PDXDC1: variants seen among roughly 807,000 people sequenced by gnomAD.
PDXDC1 encodes pyridoxal dependent decarboxylase domain containing 1.
PDXDC1 carries 42 observed loss-of-function variants against 100.1 expected under a neutral mutation model. That is an observed-to-expected ratio of 0.42 (90% confidence interval 0.33 to 0.54). PDXDC1 has a LOEUF of 0.54. PDXDC1 is among the 20% of genes least tolerant of loss of function. The pLI is 0.10. For missense variants in PDXDC1, 636 were observed against 979.2 expected, an observed-to-expected ratio of 0.65 and a Z score of 4.68; for synonymous variants, 260 against 371.7, an observed-to-expected ratio of 0.70 and a Z score of 3.46.
intron 16 of PDXDC1, chr16:15,044,442 G>T (rs757598305): frequency 2.4e-5 from 33 of 1,380,780 alleles, no homozygotes; most frequent in Non-Finnish European, 3.2e-5. Flanking sequence ...GAGGCCAGAA[G>T]AAGACACCGG....
chr16:15,063,723 G>GA (rs1214508290), intron 16 of PDXDC1, among the ~76,000 whole-genome samples: 3 of 118,834 alleles, frequency 2.5e-5, no homozygotes, highest in South Asian at 2.8e-4. Context: ...AAAAAAAAAA[G>GA]AAAAAAACAA....
intron 16 of PDXDC1, among the ~76,000 whole-genome samples, chr16:15,089,645 A>G (rs1357525747): frequency 6.6e-6 from 1 of 151,756 alleles, no homozygotes; most frequent in East Asian, 2.0e-4. Context: ...CTAAAAATAC[A>G]AAAAATTAGC....
chr16:14,999,199 T>C, intron 3 of PDXDC1, among the ~76,000 whole-genome samples: 1 of 152,268 alleles, frequency 6.6e-6, no homozygotes, highest in South Asian at 2.1e-4. Flanking sequence ...CCCGAGTGGC[T>C]GGGATTATAG....
chr16:14,978,980 T>A (rs990360464), intron 1 of PDXDC1, among the ~76,000 whole-genome samples: 3 of 152,280 alleles, frequency 2.0e-5, no homozygotes, highest in African/African-American at 7.2e-5. Flanking sequence ...TACACCCAGT[T>A]GTAACAATAA....
chr16:15,047,773 AG>A (rs954546661), intron 16 of PDXDC1: 7 of 1,206,616 alleles, frequency 5.8e-6, no homozygotes, highest in Admixed American at 1.7e-5. Context: ...ACAAGACACC[AG>A]GAAACTCAAC....
downstream of PDXDC1, among the ~76,000 whole-genome samples, chr16:15,143,480 A>AC (rs1382801916): frequency 6.6e-6 from 1 of 152,144 alleles, no homozygotes; most frequent in Non-Finnish European, 1.5e-5. Flanking sequence ...GGGCGTGTGA[A>AC]CCCCAGGTCG....
downstream of PDXDC1, among the ~76,000 whole-genome samples, chr16:15,143,520 C>G (rs1339833810): frequency 6.6e-6 from 1 of 152,180 alleles, no homozygotes; most frequent in Non-Finnish European, 1.5e-5. Context: ...CTCGGCCCCT[C>G]AGGGGTGTTC....
chr16:14,987,894 G>A (rs1346338324), intron 1 of PDXDC1, among the ~76,000 whole-genome samples: 7 of 151,716 alleles, frequency 4.6e-5, no homozygotes, highest in Non-Finnish European at 8.8e-5. Flanking sequence ...TTACAGGTGT[G>A]AGCCACTGCG....
At chr16:15,125,364 G>GTC (rs1378111012) in intron 16 of PDXDC1, 21 of 722,826 alleles carry the variant, frequency 2.9e-5, no homozygotes, top group Non-Finnish European at 4.8e-5. Flanking sequence ...CAGGGGATGT[G>GTC]TCACACACAC....
Position 15,137,690 on chromosome 16 carries a change from T to C in PDXDC1, c.1400-1189T>C, listed in dbSNP as rs1339061495. The C allele has an allele frequency of 7.0e-6, 8 of 1,137,568 alleles. 1 individual carries two copies. Among genetic ancestry groups the C allele is most frequent in the Middle Eastern group, 2.8e-4 (1 of 3,596 alleles). 70.5% of individuals were successfully genotyped at this position (1,137,568 alleles called of 1,614,324 possible). On this transcript the variant is annotated intron_variant, in intron 16 of 16. Transcript: ENST00000535621. ...AGGCCTTCCTGAGCCCTGCCCAGTG[T>C]CTGCAGGGCCCAGGTCCCACCTGGC...
downstream of PDXDC1, chr16:15,038,361 G>C (rs2043638988): frequency 1.5e-6 from 1 of 652,296 alleles, no homozygotes; most frequent in Non-Finnish European, 2.6e-6. Flanking sequence ...GAAAAAAGTT[G>C]ATTGCTTACT....
chr16:15,076,848 C>A (rs575905146), intron 16 of PDXDC1, among the ~76,000 whole-genome samples: 29 of 152,254 alleles, frequency 1.9e-4, no homozygotes, highest in African/African-American at 6.7e-4. Context: ...ATATAATAAA[C>A]CAAGCCCCTT....
Position 14,996,942 on chromosome 16 carries a change from G to C in PDXDC1, c.22-811G>C, listed in dbSNP as rs573762003. ...GCTGACTCACTTTGTTATCATAAGTGATCTTACCAAAGACCAAGTTGTCCA... is the reference window on the plus strand; with the variant it reads ...GCTGACTCACTTTGTTATCATAAGTCATCTTACCAAAGACCAAGTTGTCCA... On this transcript the variant is annotated intron_variant, in intron 1 of 22. Coordinates refer to ENST00000396410, the MANE Select transcript of PDXDC1 (RefSeq NM_015027.4). Among the ~76,000 whole-genome samples, 27 of 152,404 alleles carry C rather than the reference G, an allele frequency of 1.8e-4. No homozygotes were observed. In the East Asian group the frequency reaches 4.8e-3, roughly 27 times the overall value.
At chr16:15,015,357 T>C (rs1363726465) in intron 8 of PDXDC1, among the ~76,000 whole-genome samples, 1 of 152,262 alleles carries the variant, frequency 6.6e-6, no homozygotes, top group African/African-American at 2.4e-5. Flanking sequence ...GAAAGTACCA[T>C]AGCCATATTA....
At chr16:15,142,737 G>GC (rs1298196188), downstream of PDXDC1, among the ~76,000 whole-genome samples, 5 of 152,076 alleles carry the variant, frequency 3.3e-5, no homozygotes, top group Non-Finnish European at 7.4e-5. Context: ...CCTCGCGCCA[G>GC]CCCCCCCACC....
intron 16 of PDXDC1, among the ~76,000 whole-genome samples, chr16:15,100,354 G>C (rs558074381): frequency 4.3e-4 from 65 of 152,144 alleles, no homozygotes; most frequent in Non-Finnish European, 7.9e-4. Flanking sequence ...TATATCTTTA[G>C]TTATATACAT....
At chr16:15,074,974 G>C in intron 16 of PDXDC1, 1 of 1,109,008 alleles carries the variant, frequency 9.0e-7, no homozygotes, top group Non-Finnish European at 1.3e-6. Flanking sequence ...AAGAGGCTGG[G>C]GAAAGCGGCT....
chr16:15,022,652 C>T (rs1321689702), intron 12 of PDXDC1, 52 bp from the exon 13 acceptor site: 5 of 1,570,422 alleles, frequency 3.2e-6, no homozygotes, highest in Non-Finnish European at 4.4e-6. Flanking sequence ...AAAACCACTT[C>T]TTCATGTCCC....
chr16:14,988,778 C>T, intron 1 of PDXDC1: 1 of 1,613,864 alleles, frequency 6.2e-7, no homozygotes, highest in Non-Finnish European at 8.5e-7. Context: ...TCTCTGTGAA[C>T]TGCAGCCCCC....
Sources: allele counts gnomAD v4.1 joint callset (sites outside exome capture counted in the v4.1 genomes callset), GRCh38; gene constraint gnomAD v4.1.1; transcripts MANE v1.5; gene names NCBI Gene and HGNC (gene_info 2026-07-23, HGNC 2026-07-21).